The following CIB4 variants were observed in gnomAD, a reference collection of about 807,000 sequenced individuals.
CIB4 encodes the protein calcium and integrin binding family member 4.
In CIB4, 25 loss-of-function variants were observed where a neutral mutation model predicts 25.8. The ratio of observed to expected loss-of-function variants is 0.97; its 90% CI spans 0.71 to 1.35. CIB4 has a LOEUF of 1.35. Among genes scored for constraint, CIB4 ranks in the 40% most tolerant of loss-of-function variants. The pLI is 0.00. For synonymous variants in CIB4, 75 were observed against 81.4 expected, an observed-to-expected ratio of 0.92 and a Z score of 0.42; for missense variants, 235 against 228.2, an observed-to-expected ratio of 1.03 and a Z score of -0.19.
chr2:26,586,524 C>T (rs1448739299), intron 4 of CIB4, among the ~76,000 whole-genome samples: 1 of 152,228 alleles, frequency 6.6e-6, no homozygotes, highest in Non-Finnish European at 1.5e-5. Flanking sequence ...CATATAAATT[C>T]CACAAGGGCA....
intron 2 of CIB4, 60 bp from the exon 3 acceptor site, chr2:26,629,566 G>T: frequency 8.7e-7 from 1 of 1,144,096 alleles, no homozygotes; most frequent in Non-Finnish European, 1.3e-6. Context: ...CTGTGTGGCC[G>T]GGGAAAGGAG....
chr2:26,602,322 G>A (rs1478602093), intron 3 of CIB4, among the ~76,000 whole-genome samples: 1 of 152,132 alleles, frequency 6.6e-6, no homozygotes, highest in Non-Finnish European at 1.5e-5. Flanking sequence ...AACTTCTAGG[G>A]AGTATTCTAG....
At chr2:26,639,265 T>C (rs972385678) in intron 2 of CIB4, among the ~76,000 whole-genome samples, 2 of 152,022 alleles carry the variant, frequency 1.3e-5, no homozygotes, top group Admixed American at 1.3e-4. Context: ...GTTACATAGG[T>C]ATACACATGT....
chr2:26,615,481 C>T (rs1216350057), intron 3 of CIB4, among the ~76,000 whole-genome samples: 2 of 152,178 alleles, frequency 1.3e-5, no homozygotes, highest in South Asian at 2.1e-4. Context: ...ATCCATGCCC[C>T]GCCCTTTGGT....
At chr2:26,596,755 A>G (rs976005312) in intron 3 of CIB4, among the ~76,000 whole-genome samples, 7 of 152,186 alleles carry the variant, frequency 4.6e-5, no homozygotes, top group African/African-American at 1.7e-4. Flanking sequence ...CTAAAAAAAA[A>G]AAAAAAAGTA....
chr2:26,640,482 G>T, intron 2 of CIB4, 51 bp downstream of exon 2: 1 of 1,592,430 alleles, frequency 6.3e-7, no homozygotes, highest in Non-Finnish European at 8.6e-7. Context: ...CAAGAATCCA[G>T]CTCAGAGGGA....
chr2:26,635,303 C>T (rs1333731226), intron 2 of CIB4, among the ~76,000 whole-genome samples: 1 of 152,170 alleles, frequency 6.6e-6, no homozygotes, highest in African/African-American at 2.4e-5. Context: ...ATGAGGTCTC[C>T]CCCCACCAGC....
chr2:26,596,113 A>G (rs2148198083), intron 3 of CIB4, among the ~76,000 whole-genome samples: 1 of 152,362 alleles, frequency 6.6e-6, no homozygotes, highest in Non-Finnish European at 1.5e-5. Flanking sequence ...TAGTTAAATA[A>G]AGGTATAGAT....
chr2:26,588,988 TTCTTCTTCTTCTTCTTCTTC>T lies in CIB4; in HGVS notation c.329-5110_329-5091del, dbSNP rs1668510953. Among the ~76,000 whole-genome samples, 30 of 40,064 alleles carry T rather than the reference TTCTTCTTCTTCTTCTTCTTC, an allele frequency of 7.5e-4. 1 individual carries two copies. Among genetic ancestry groups the T allele is most frequent in the East Asian group, 2.4e-3 (1 of 422 alleles). The allele number at this position is 40,064 out of a possible 152,430, so 26.3% of individuals were successfully genotyped here. A position where few individuals can be genotyped will look rare whatever the true frequency, so the allele number is the denominator to read the frequency against. ...TGCTGCCGCTTCTTCTTTCTTCTTC[TTCTTCTTCTTCTTCTTCTTC>T]TTCTTCTTCTTCTTCTTCTTCTTCT... On this transcript the variant is annotated intron_variant, in intron 4 of 6. Transcript: ENST00000288861.
chr2:26,588,984 CT>C (rs1668509946), intron 4 of CIB4, among the ~76,000 whole-genome samples: 1 of 7,394 alleles, frequency 1.4e-4, no homozygotes, highest in East Asian at 4.6e-3. Flanking sequence ...CTTCTTTCTT[CT>C]TCTTCTTCTT....
intron 3 of CIB4, among the ~76,000 whole-genome samples, chr2:26,616,673 G>A (rs1241206029): frequency 2.6e-5 from 4 of 152,184 alleles, no homozygotes; most frequent in Non-Finnish European, 2.9e-5. Flanking sequence ...ATGTGTATGA[G>A]AAAAGCTATT....
chr2:26,594,541 G>T (rs1668643564), intron 4 of CIB4, among the ~76,000 whole-genome samples: 1 of 152,216 alleles, frequency 6.6e-6, no homozygotes, highest in South Asian at 2.1e-4. Context: ...AAAGTTATCA[G>T]GATGCACTGA....
chr2:26,601,237 T>TAA (rs1668783321), intron 3 of CIB4, among the ~76,000 whole-genome samples: 1 of 13,792 alleles, frequency 7.3e-5, no homozygotes, highest in African/African-American at 2.3e-4. Flanking sequence ...AAAAAATATA[T>TAA]ATATATATAT....
intron 3 of CIB4, among the ~76,000 whole-genome samples, chr2:26,607,649 G>T (rs568859463): frequency 1.3e-5 from 2 of 152,176 alleles, no homozygotes; most frequent in Non-Finnish European, 2.9e-5. Flanking sequence ...ACCTGGCACT[G>T]CCAGGACCCG....
At chr2:26,611,101 C>T (rs1572557545) in intron 3 of CIB4, among the ~76,000 whole-genome samples, 1 of 152,348 alleles carries the variant, frequency 6.6e-6, no homozygotes, top group East Asian at 1.9e-4. Flanking sequence ...AACTGATGAC[C>T]TGTCACAGGA....
intron 3 of CIB4, chr2:26,623,397 A>G: frequency 2.8e-6 from 1 of 354,616 alleles, no homozygotes; most frequent in Non-Finnish European, 6.1e-6. Flanking sequence ...ATACACTACC[A>G]TTCCCACCCC....
In CIB4 at chr2:26,603,459, C is replaced by G. The variant is rs367609689; in HGVS notation, c.187-8142G>C. Among the ~76,000 whole-genome samples the G allele has an allele frequency of 1.7e-4, 26 of 152,234 alleles. No individual in the cohort carries two copies. In the South Asian group the frequency reaches 3.1e-3, roughly 18 times the overall value. On this transcript the variant is annotated intron_variant, in intron 3 of 6. Transcript: ENST00000288861. ...CAGGTCCTGTATACCTTTCACCCAGCTTTCCCTGATGTGAATACAGGGTGA... is the reference window on the plus strand; with the variant it reads ...CAGGTCCTGTATACCTTTCACCCAGGTTTCCCTGATGTGAATACAGGGTGA...
intron 3 of CIB4, chr2:26,605,563 A>G (rs1668872327): frequency 4.2e-6 from 2 of 470,922 alleles, no homozygotes; most frequent in Middle Eastern, 3.2e-4. Context: ...CTCACTGCCT[A>G]GGAGGAATTC....
chr2:26,634,799 T>C (rs1434696070), intron 2 of CIB4, among the ~76,000 whole-genome samples: 4 of 152,186 alleles, frequency 2.6e-5, no homozygotes, highest in African/African-American at 9.6e-5. Flanking sequence ...AAAGGCCCCA[T>C]GGCTGGGTCA....
Sources: gnomAD v4.1 joint callset for allele counts (sites outside exome capture counted in the v4.1 genomes callset) on GRCh38, gnomAD v4.1.1 for gene constraint, MANE v1.5 for transcripts, NCBI Gene and HGNC (gene_info 2026-07-23, HGNC 2026-07-21) for gene names.